GPHN: variants seen among roughly 807,000 people sequenced by gnomAD.
GPHN encodes gephyrin.
In GPHN, 17 loss-of-function variants were observed where a neutral mutation model predicts 95.5. The ratio of observed to expected loss-of-function variants is 0.18; its 90% confidence interval spans 0.12 to 0.27. The LOEUF is 0.27. Ranked by LOEUF, GPHN falls within the 10% of genes least tolerant of loss-of-function variation. GPHN has a pLI of 1.00. For missense variants in GPHN, 660 were observed against 978.1 expected (o/e 0.67, Z 4.34); for synonymous variants, 320 against 322.5 (o/e 0.99, Z 0.08).
chr14:66,623,228 A>G (rs1566719377), intron 1 of GPHN, among the ~76,000 whole-genome samples: 1 of 152,062 alleles, frequency 6.6e-6, no homozygotes, highest in Admixed American at 6.5e-5. Context: ...ATCAGATTTC[A>G]TGAGACTCAT....
the GPHN span, among the ~76,000 whole-genome samples, chr14:67,628,705 T>A: frequency 6.6e-6 from 1 of 152,234 alleles, no homozygotes; most frequent in South Asian, 2.1e-4. Context: ...GCCATTAGGA[T>A]GGCTACTATC....
chr14:67,264,314 G>A, the GPHN span, among the ~76,000 whole-genome samples: 1 of 152,120 alleles, frequency 6.6e-6, no homozygotes, highest in Non-Finnish European at 1.5e-5. Context: ...TGAGTACATA[G>A]TGAGAATCAG....
chr14:67,279,377 G>C, the GPHN span: 1 of 1,613,916 alleles, frequency 6.2e-7, no homozygotes, highest in South Asian at 1.1e-5. Context: ...TGAGGCGTAG[G>C]AGAGAGGAAG....
At chr14:66,946,347 C>T (rs2153576122) in intron 8 of GPHN, among the ~76,000 whole-genome samples, 1 of 152,232 alleles carries the variant, frequency 6.6e-6, no homozygotes, top group Admixed American at 6.5e-5. Context: ...AGGCATTAAT[C>T]ACCAAACCAG....
chr14:67,642,418 A>C, the GPHN span: 4 of 1,570,176 alleles, frequency 2.5e-6, no homozygotes, highest in Non-Finnish European at 3.5e-6. Flanking sequence ...CTTGGGGCTC[A>C]TAACTTAGCT....
chr14:66,904,423 G>A (rs2065272810), intron 5 of GPHN, among the ~76,000 whole-genome samples: 1 of 152,176 alleles, frequency 6.6e-6, no homozygotes, highest in African/African-American at 2.4e-5. Context: ...CCACAGAGCG[G>A]TGATTGGTGC....
the GPHN span, among the ~76,000 whole-genome samples, chr14:67,720,042 C>T: frequency 6.6e-6 from 1 of 152,176 alleles, no homozygotes; most frequent in Non-Finnish European, 1.5e-5. Context: ...AATGGACTCT[C>T]CCACGAGCAA....
At chr14:66,532,423 T>C (rs747743171) in intron 1 of GPHN, among the ~76,000 whole-genome samples, 4 of 152,292 alleles carry the variant, frequency 2.6e-5, no homozygotes, top group Middle Eastern at 3.4e-3. Flanking sequence ...AAGCAGAAGA[T>C]GCCAGGCCAA....
At chr14:67,344,073 T>C in the GPHN span, among the ~76,000 whole-genome samples, 2 of 152,236 alleles carry the variant, frequency 1.3e-5, no homozygotes, top group African/African-American at 4.8e-5. Flanking sequence ...TGCAACCTAC[T>C]GACGCTGAAA....
At chr14:67,383,577 CAG>C in the GPHN span, 1 of 1,237,640 alleles carries the variant, frequency 8.1e-7, no homozygotes. Context: ...AATGTTCTAA[CAG>C]ATCAGAACAT....
chr14:66,850,044 T>C (rs2062512910), intron 4 of GPHN, among the ~76,000 whole-genome samples: 1 of 152,150 alleles, frequency 6.6e-6, no homozygotes, highest in African/African-American at 2.4e-5. Context: ...GATTTTTTCA[T>C]GGCTGATGCA....
At chr14:66,978,902 A>T (rs887863697) in intron 9 of GPHN, among the ~76,000 whole-genome samples, 1 of 152,218 alleles carries the variant, frequency 6.6e-6, no homozygotes, top group African/African-American at 2.4e-5. Context: ...TAGGGTGAAG[A>T]GTGGATGTTG....
chr14:66,635,990 AAAAG>A (rs2064077158), intron 1 of GPHN, among the ~76,000 whole-genome samples: 2 of 152,140 alleles, frequency 1.3e-5, no homozygotes, highest in African/African-American at 2.4e-5. Context: ...AAAAAAAAGA[AAAAG>A]AAAAAGTGAT....
chr14:67,589,795 G>C, the GPHN span: 1,505 of 1,109,422 alleles, frequency 1.4e-3, 2 homozygotes, highest in Non-Finnish European at 1.6e-3. Flanking sequence ...AGCAATTTCC[G>C]AAAGTGTTCT....
At chr14:67,692,597 TCAGCCAA>T in the GPHN span, 4 of 1,556,038 alleles carry the variant, frequency 2.6e-6, no homozygotes, top group Non-Finnish European at 3.5e-6. Context: ...CGAGCTCCTG[TCAGCCAA>T]CATATGAAAG....
At chr14:67,578,328 C>A in the GPHN span, 1 of 833,842 alleles carries the variant, frequency 1.2e-6, no homozygotes, top group African/African-American at 1.7e-5. The surrounding 1 kb of genome is among the most constrained non-coding windows in gnomAD (Gnocchi z 5.0). Flanking sequence ...GTGCTCCAAG[C>A]TGCATCAGTA....
At position 66,862,874 on chromosome 14, in the gene GPHN, G is replaced by T. The variant is rs540044103; in HGVS notation, c.295-17065G>T. Among the ~76,000 whole-genome samples the T allele has an allele frequency of 2.6e-5, 4 of 152,188 alleles. No individual in the cohort carries two copies. In the South Asian group the frequency reaches 6.2e-4, roughly 24 times the overall value. ...GCAGACCCACATCTGGTATCATAGTGAAATGGGAAAAACTGAAAGCATTTC... is the reference window on the plus strand; with the variant it reads ...GCAGACCCACATCTGGTATCATAGTTAAATGGGAAAAACTGAAAGCATTTC... On this transcript the variant is annotated intron_variant, in intron 4 of 22. Coordinates refer to ENST00000478722, the MANE Select transcript of GPHN (RefSeq NM_020806.5).
At chr14:66,801,480 C>T in intron 3 of GPHN, among the ~76,000 whole-genome samples, 1 of 152,172 alleles carries the variant, frequency 6.6e-6, no homozygotes, top group East Asian at 1.9e-4. Context: ...AAAGAATTCT[C>T]TGGATTATCA....
the GPHN span, among the ~76,000 whole-genome samples, chr14:67,282,351 T>G: frequency 6.6e-6 from 1 of 152,158 alleles, no homozygotes. Context: ...AACAGCAACC[T>G]TATTTTAAAT....
Sources: allele counts gnomAD v4.1 joint callset (sites outside exome capture counted in the v4.1 genomes callset), GRCh38; gene constraint gnomAD v4.1.1; non-coding constraint Gnocchi (gnomAD v3.1); transcripts MANE v1.5; gene names NCBI Gene and HGNC (gene_info 2026-07-23, HGNC 2026-07-21).